Variants in CDK6 observed in about 807,000 individuals in gnomAD.
CDK6 encodes the protein cyclin-dependent kinase 6.
CDK6 carries 6 observed loss-of-function variants against 37.1 expected under a neutral mutation model. That is an observed-to-expected ratio of 0.16 (90% confidence interval 0.09 to 0.32). The LOEUF (loss-of-function observed/expected upper bound fraction) is 0.32. CDK6 is among the 10% of genes least tolerant of loss of function. The pLI, the probability that CDK6 is intolerant of heterozygous loss-of-function variation, is 1.00. For missense variants in CDK6, 224 were observed against 418.9 expected, an observed-to-expected ratio of 0.53 and a Z score of 4.06; for synonymous variants, 160 against 161.3, an observed-to-expected ratio of 0.99 and a Z score of 0.06.
chr7:92,655,808 TA>T (rs1427348027), intron 5 of CDK6, among the ~76,000 whole-genome samples: 3 of 152,270 alleles, frequency 2.0e-5, no homozygotes, highest in African/African-American at 7.2e-5. Context: ...AGCAAGTAAG[TA>T]CAATCCATAT....
In CDK6 at chr7:92,717,786, C is replaced by A. The variant is rs148725567; in HGVS notation, c.537+7840G>T. On this transcript the variant is annotated intron_variant, in intron 4 of 7. Coordinates refer to ENST00000424848, the MANE Select transcript of CDK6 (RefSeq NM_001145306.2). ...AGGGAATCAGTCATTTGATTCACTT[C>A]GCAAATCCACTTGGTGCAATTAGAT... Among the ~76,000 whole-genome samples the A allele has an allele frequency of 1.2e-3, 180 of 152,254 alleles. 1 individual carries two copies. The highest frequency in any genetic ancestry group is 4.2e-3 in the African/African-American group (174 of 41,552).
chr7:92,620,800 T>C (rs778421650), intron 6 of CDK6, among the ~76,000 whole-genome samples: 27 of 152,074 alleles, frequency 1.8e-4, no homozygotes, highest in Non-Finnish European at 3.7e-4. Context: ...CCCAGCTACT[T>C]GGGAGGCTTA....
In CDK6 at chr7:92,608,226, T is replaced by C. The variant is rs903565500; in HGVS notation, c.*6914A>G. 3 of 230,242 alleles carry C rather than the reference T, an allele frequency of 1.3e-5. No homozygotes were observed. Among genetic ancestry groups the C allele is most frequent in the East Asian group, 6.1e-5 (1 of 16,372 alleles). The allele number at this position is 230,242 out of a possible 1,614,324, so 14.3% of individuals were successfully genotyped here. On this transcript the variant is annotated 3_prime_UTR_variant, in exon 8 of 8. Transcript: ENST00000424848. ...TTATATGCCCCCTTTGAGAAAAACC[T>C]ACATTTGACAATCCAAACTCCTAAA...
At chr7:92,805,267 G>C (rs184225508) in intron 2 of CDK6, among the ~76,000 whole-genome samples, 1 of 152,124 alleles carries the variant, frequency 6.6e-6, no homozygotes, top group East Asian at 1.9e-4. Flanking sequence ...AGTCACTCAG[G>C]ATCAAAGAGA....
At chr7:92,704,319 A>G (rs1797922023) in intron 4 of CDK6, among the ~76,000 whole-genome samples, 1 of 152,206 alleles carries the variant, frequency 6.6e-6, no homozygotes, top group South Asian at 2.1e-4. Flanking sequence ...AGAAATTTTA[A>G]ATAAGAGTAT....
chr7:92,739,072 G>C (rs1798857328), intron 3 of CDK6, among the ~76,000 whole-genome samples: 1 of 152,054 alleles, frequency 6.6e-6, no homozygotes, highest in Non-Finnish European at 1.5e-5. Context: ...ACTTCATCTG[G>C]GCTTTCGGTA....
chr7:92,732,101 C>T (rs1200380920), intron 3 of CDK6, among the ~76,000 whole-genome samples: 1 of 152,152 alleles, frequency 6.6e-6, no homozygotes, highest in Non-Finnish European at 1.5e-5. Context: ...AATATTTCCC[C>T]ATTTCAACAC....
At chr7:92,776,574 G>C (rs1359583215) in intron 2 of CDK6, among the ~76,000 whole-genome samples, 2 of 152,166 alleles carry the variant, frequency 1.3e-5, no homozygotes, top group Non-Finnish European at 2.9e-5. Context: ...AGCATCTGTT[G>C]TTTCCTGACT....
intron 5 of CDK6, among the ~76,000 whole-genome samples, chr7:92,637,138 T>C (rs1174412050): frequency 6.6e-6 from 1 of 152,210 alleles, no homozygotes; most frequent in African/African-American, 2.4e-5. Context: ...ATTTCTTCTA[T>C]ACTGTACTTA....
intron 4 of CDK6, among the ~76,000 whole-genome samples, chr7:92,685,810 C>A (rs1038599272): frequency 1.3e-5 from 2 of 152,186 alleles, no homozygotes; most frequent in African/African-American, 4.8e-5. Context: ...TTAATCTTTA[C>A]AATAGAGTAA....
At chr7:92,729,601 T>C (rs1175595094) in intron 3 of CDK6, among the ~76,000 whole-genome samples, 3 of 152,200 alleles carry the variant, frequency 2.0e-5, no homozygotes, top group Non-Finnish European at 2.9e-5. Context: ...CCTTTCTGAA[T>C]ACAAGAAATC....
chr7:92,630,193 C>T (rs1209000251), intron 5 of CDK6, among the ~76,000 whole-genome samples: 1 of 152,048 alleles, frequency 6.6e-6, no homozygotes, highest in Non-Finnish European at 1.5e-5. Context: ...TCTACTATAG[C>T]AGCAATAAAT....
chr7:92,654,423 CCAGA>C (rs1018637941), intron 5 of CDK6, among the ~76,000 whole-genome samples: 7 of 151,962 alleles, frequency 4.6e-5, no homozygotes, highest in Non-Finnish European at 1.0e-4. Context: ...AGCAATCTAA[CCAGA>C]CAATTTGTAG....
chr7:92,671,322 C>T, intron 5 of CDK6, 104 bp downstream of exon 5: 1 of 660,198 alleles, frequency 1.5e-6, no homozygotes, highest in Non-Finnish European at 2.4e-6. Context: ...TGGATCTGGC[C>T]ATCATGACCC....
chr7:92,667,322 G>A (rs889342889), intron 5 of CDK6, among the ~76,000 whole-genome samples: 8 of 149,004 alleles, frequency 5.4e-5, no homozygotes, highest in East Asian at 2.0e-4. Context: ...TTCAGCCTCC[G>A]GAGTAGCTAG....
At chr7:92,805,553 T>C (rs769849465) in intron 2 of CDK6, among the ~76,000 whole-genome samples, 59 of 152,106 alleles carry the variant, frequency 3.9e-4, no homozygotes, top group Non-Finnish European at 1.3e-4. Flanking sequence ...TGTGCTATAG[T>C]TGAAATTGGA....
intron 4 of CDK6, among the ~76,000 whole-genome samples, chr7:92,683,726 C>G (rs923422138): frequency 6.6e-6 from 1 of 152,042 alleles, no homozygotes; most frequent in Admixed American, 6.5e-5. Flanking sequence ...GGGGTCCCCA[C>G]TATATTTTGT....
At chr7:92,803,972 C>A (rs984071174) in intron 2 of CDK6, among the ~76,000 whole-genome samples, 6 of 152,172 alleles carry the variant, frequency 3.9e-5, no homozygotes, top group Admixed American at 6.5e-5. Flanking sequence ...CTCAATATTA[C>A]CTACCTTAAT....
chr7:92,782,809 T>C (rs1800027244), intron 2 of CDK6, among the ~76,000 whole-genome samples: 1 of 152,214 alleles, frequency 6.6e-6, no homozygotes, highest in African/African-American at 2.4e-5. Flanking sequence ...CAACAAAAAA[T>C]TGTCCTAAGA....
Sources: allele counts gnomAD v4.1 joint callset (sites outside exome capture counted in the v4.1 genomes callset), GRCh38; gene constraint gnomAD v4.1.1; transcripts MANE v1.5; gene names NCBI Gene and HGNC (gene_info 2026-07-23, HGNC 2026-07-21).